ANGPTL2: variants seen among roughly 807,000 people sequenced by gnomAD.
ANGPTL2 encodes angiopoietin-related protein 2.
Under a neutral mutation model 52.8 loss-of-function variants are expected in ANGPTL2, and 25 were observed. The ratio of observed to expected loss-of-function variants is 0.47; its 90% CI spans 0.35 to 0.66. The LOEUF is 0.66. Ranked by LOEUF, ANGPTL2 falls within the 30% of genes least tolerant of loss-of-function variation. The pLI, the probability that ANGPTL2 is intolerant of heterozygous loss-of-function variation, is 0.01. For missense variants in ANGPTL2, 546 were observed against 656.9 expected (o/e 0.83, Z 1.84); for synonymous variants, 276 against 277.4 (o/e 1.00, Z 0.05).
intron 4 of ANGPTL2, among the ~76,000 whole-genome samples, chr9:127,089,810 G>A (rs139867165): frequency 2.6e-5 from 4 of 152,362 alleles, no homozygotes; most frequent in East Asian, 1.9e-4. Context: ...GAAGGTGTGC[G>A]CGGGCATGCA....
Position 127,091,666 on chromosome 9 carries a change from C to G in ANGPTL2, c.1282+4G>C, listed in dbSNP as rs1379142034. 1.2e-6 allele frequency: 2 copies of G among 1,611,156 alleles called. No homozygotes were observed. The highest frequency in any genetic ancestry group is 3.3e-5 in the Admixed American group (2 of 59,948). ...GCACCTGGGTTTGACTCCACTTTTC[C>G]TACCTGTGTAGACATCATGATCTCT... is the stretch of plus-strand genomic sequence containing the variant. On this transcript the variant is annotated splice_donor_region_variant and intron_variant, in intron 4 of 4. Transcript: ENST00000373425. This position sits in a 1 kb window ranked among gnomAD's most constrained non-coding sequence, Gnocchi z 4.3.
chr9:127,112,079 C>G (rs1366148708), intron 1 of ANGPTL2, among the ~76,000 whole-genome samples: 1 of 152,202 alleles, frequency 6.6e-6, no homozygotes, highest in East Asian at 1.9e-4. Context: ...AGACCCTGTG[C>G]TCCCTGGGGC....
At chr9:127,109,103 G>A (rs996202850) in intron 1 of ANGPTL2, among the ~76,000 whole-genome samples, 9 of 152,190 alleles carry the variant, frequency 5.9e-5, no homozygotes, top group African/African-American at 2.2e-4. Context: ...CCTGAGAATC[G>A]TATCCAGGCA....
intron 1 of ANGPTL2, among the ~76,000 whole-genome samples, chr9:127,116,465 C>G (rs746499792): frequency 5.9e-5 from 9 of 152,312 alleles, no homozygotes; most frequent in African/African-American, 1.9e-4. Flanking sequence ...GTGCCAGGAG[C>G]CTTGGCCAAC....
chr9:127,108,861 G>A (rs1173901959), intron 1 of ANGPTL2, 81 bp from the exon 2 acceptor site: 11 of 1,038,936 alleles, frequency 1.1e-5, no homozygotes, highest in Non-Finnish European at 1.2e-5. Context: ...CAGCCTTCTC[G>A]CCAGGCAGGC....
intron 3 of ANGPTL2, 110 bp downstream of exon 3, chr9:127,093,623 G>T: frequency 1.5e-6 from 2 of 1,342,312 alleles, no homozygotes; most frequent in Non-Finnish European, 2.1e-6. Context: ...ACAGGCCTGG[G>T]CTTGGTCAGC....
chr9:127,117,364 G>A (rs2055545071), intron 1 of ANGPTL2, among the ~76,000 whole-genome samples: 1 of 152,220 alleles, frequency 6.6e-6, no homozygotes, highest in Non-Finnish European at 1.5e-5. Flanking sequence ...TATCCAGGAT[G>A]GCACCTAGGT....
intron 1 of ANGPTL2, among the ~76,000 whole-genome samples, chr9:127,118,821 C>G (rs538886398): frequency 4.6e-5 from 7 of 152,206 alleles, no homozygotes; most frequent in Admixed American, 6.5e-5. Flanking sequence ...TTCAGAGAGG[C>G]CAGTTGCTGA....
chr9:127,097,154 G>C (rs904265924), intron 2 of ANGPTL2, among the ~76,000 whole-genome samples: 2 of 152,176 alleles, frequency 1.3e-5, no homozygotes, highest in African/African-American at 4.8e-5. Flanking sequence ...CTTTGTCGAG[G>C]TGTAAAACTT....
chr9:127,088,035 A>G lies in ANGPTL2; in HGVS notation c.*904T>C, dbSNP rs963692792. 1 of 152,622 alleles carries G rather than the reference A, an allele frequency of 6.6e-6. No homozygotes were observed. Among genetic ancestry groups the G allele is most frequent in the African/African-American group, 2.4e-5 (1 of 41,436 alleles). The allele number at this position is 152,622 out of a possible 1,614,324, so 9.5% of individuals were successfully genotyped here. A position where few individuals can be genotyped will look rare whatever the true frequency, so the allele number is the denominator to read the frequency against. On this transcript the variant is annotated 3_prime_UTR_variant, in exon 5 of 5. Transcript: ENST00000373425. Reference sequence around the variant, plus strand: ...GAGCCCGGAGTGTTTCCTACTCAGAAGCTGAGGAATCTCGCCTGGAAAGAA... The same window carrying G: ...GAGCCCGGAGTGTTTCCTACTCAGAGGCTGAGGAATCTCGCCTGGAAAGAA...
At chr9:127,096,100 G>A (rs1171139393) in intron 2 of ANGPTL2, among the ~76,000 whole-genome samples, 1 of 152,200 alleles carries the variant, frequency 6.6e-6, no homozygotes, top group Non-Finnish European at 1.5e-5. Context: ...GGTAGCAGAT[G>A]GGGCACAAGC....
Position 127,088,886 on chromosome 9 carries a change from G to T in ANGPTL2, c.*53C>A. 6.2e-7 allele frequency: 1 copy of T among 1,603,500 alleles called. No individual in the cohort carries two copies. The highest frequency in any genetic ancestry group is 1.1e-5 in the South Asian group (1 of 90,628). ...TTGTTCTTTGTGCTGTGGCCAGCGTGACCAGGGTGGGCTCCTGGCAATGGC... is the reference window on the plus strand; with the variant it reads ...TTGTTCTTTGTGCTGTGGCCAGCGTTACCAGGGTGGGCTCCTGGCAATGGC... On this transcript the variant is annotated 3_prime_UTR_variant, in exon 5 of 5. Transcript: ENST00000373425.
At chr9:127,119,247 C>T (rs1408312977) in intron 1 of ANGPTL2, among the ~76,000 whole-genome samples, 1 of 152,196 alleles carries the variant, frequency 6.6e-6, no homozygotes, top group Non-Finnish European at 1.5e-5. Context: ...ACAGTCATGC[C>T]TATTTTGCCT....
intron 2 of ANGPTL2, among the ~76,000 whole-genome samples, chr9:127,105,630 C>G (rs2054144491): frequency 6.6e-6 from 1 of 152,222 alleles, no homozygotes; most frequent in Admixed American, 6.5e-5. Context: ...GGTATCACCA[C>G]AGTGATCAGA....
chr9:127,106,356 C>T (rs547108356), intron 2 of ANGPTL2, among the ~76,000 whole-genome samples: 2 of 152,252 alleles, frequency 1.3e-5, no homozygotes, highest in South Asian at 4.1e-4. Flanking sequence ...ACAGATGGAA[C>T]GCCAGAGCTA....
chr9:127,107,307 C>T (rs2054311261), intron 2 of ANGPTL2, among the ~76,000 whole-genome samples: 1 of 152,196 alleles, frequency 6.6e-6, no homozygotes, highest in Non-Finnish European at 1.5e-5. Flanking sequence ...CATTCCTCCC[C>T]CATAACGGTA....
At chr9:127,102,180 T>C (rs1046642893) in intron 2 of ANGPTL2, among the ~76,000 whole-genome samples, 9 of 152,204 alleles carry the variant, frequency 5.9e-5, no homozygotes, top group African/African-American at 1.9e-4. Flanking sequence ...TTTACAAGAC[T>C]GAACATAGTC....
At chr9:127,119,725 A>G (rs1278050420) in intron 1 of ANGPTL2, among the ~76,000 whole-genome samples, 1 of 152,196 alleles carries the variant, frequency 6.6e-6, no homozygotes, top group Non-Finnish European at 1.5e-5. Flanking sequence ...TTCAGCAATA[A>G]CATGTAGTCC....
intron 1 of ANGPTL2, among the ~76,000 whole-genome samples, chr9:127,114,646 G>A (rs2137384213): frequency 6.6e-6 from 1 of 152,328 alleles, no homozygotes; most frequent in South Asian, 2.1e-4. Context: ...CCGTCCTCTG[G>A]TCAGCACTGC....
Sources: gnomAD v4.1 joint callset for allele counts (sites outside exome capture counted in the v4.1 genomes callset) on GRCh38, gnomAD v4.1.1 for gene constraint, Gnocchi (gnomAD v3.1) non-coding constraint, MANE v1.5 for transcripts, NCBI Gene and HGNC (gene_info 2026-07-23, HGNC 2026-07-21) for gene names.